EIF4B: variants seen among roughly 807,000 people sequenced by gnomAD.
EIF4B encodes the protein eukaryotic translation initiation factor 4B.
EIF4B carries 8 observed loss-of-function variants against 79.3 expected under a neutral mutation model. That is an observed-to-expected ratio of 0.10 (90% CI 0.06 to 0.18). EIF4B has a LOEUF of 0.18. EIF4B is among the 10% of genes least tolerant of loss of function. The pLI, the probability that EIF4B is intolerant of heterozygous loss-of-function variation, is 1.00. For missense variants in EIF4B, 515 were observed against 792.4 expected, an observed-to-expected ratio of 0.65 and a Z score of 4.20; for synonymous variants, 238 against 274.7, an observed-to-expected ratio of 0.87 and a Z score of 1.32.
intron 10 of EIF4B, among the ~76,000 whole-genome samples, chr12:53,036,828 G>C (rs966452842): frequency 6.6e-6 from 1 of 152,138 alleles, no homozygotes; most frequent in African/African-American, 2.4e-5. Context: ...AGCTGGGACT[G>C]CAGGCACATG....
intron 10 of EIF4B, 137 bp from the exon 11 acceptor site, chr12:53,037,271 TA>T: frequency 1.1e-6 from 1 of 896,900 alleles, no homozygotes; most frequent in Non-Finnish European, 1.7e-6. Flanking sequence ...GAAATACTTG[TA>T]AACCACTGGT....
rs1295488960 is a variant in EIF4B at position 53,042,168 on chromosome 12, G to C, written c.*1945G>C. On this transcript the variant is annotated 3_prime_UTR_variant, in exon 15 of 15. Transcript: ENST00000262056. ...GTAAAATCCCATCCTTTGGGTTGTG[G>C]GTTTTTTGTTTTCTCCAAATAAATC... 1.3e-5 allele frequency: 2 copies of C among 152,464 alleles called. No homozygotes were observed. Among genetic ancestry groups the C allele is most frequent in the African/African-American group, 4.8e-5 (2 of 41,386 alleles). The allele number at this position is 152,464 out of a possible 1,614,324, so 9.4% of individuals were successfully genotyped here. A position where few individuals can be genotyped will look rare whatever the true frequency, so the allele number is the denominator to read the frequency against.
At position 53,040,318 on chromosome 12, in the gene EIF4B, T is replaced by G; in HGVS notation, c.*95T>G. The G allele has an allele frequency of 7.6e-7, 1 of 1,310,316 alleles. No individual in the cohort carries two copies. The highest frequency in any genetic ancestry group is 2.1e-5 in the Admixed American group (1 of 47,048). The allele number at this position is 1,310,316 out of a possible 1,614,324, so 81.2% of individuals were successfully genotyped here. On this transcript the variant is annotated 3_prime_UTR_variant, in exon 15 of 15. Transcript: ENST00000262056. ...CTATCCAGACAAGACAAAATAAAAC[T>G]CACCATCTCCTGAAGACCTTTCTTA...
At chr12:53,027,291 G>A (rs1463113364) in intron 6 of EIF4B, among the ~76,000 whole-genome samples, 6 of 151,158 alleles carry the variant, frequency 4.0e-5, no homozygotes, top group South Asian at 2.1e-4. Flanking sequence ...GCGTCACCAC[G>A]CCCAGCTAAT....
Position 53,040,260 on chromosome 12 carries a change from C to T in EIF4B, c.*37C>T, listed in dbSNP as rs7961997. ...CTGTGCTTTTCTCCTAGTTTCTCTCCACCCTGGAACATTCGAGAGCAAATC... is the reference window on the plus strand; with the variant it reads ...CTGTGCTTTTCTCCTAGTTTCTCTCTACCCTGGAACATTCGAGAGCAAATC... On this transcript the variant is annotated 3_prime_UTR_variant, in exon 15 of 15. Transcript: ENST00000262056. 2,051 of 1,547,070 alleles carry T rather than the reference C, an allele frequency of 1.3e-3. 27 individuals carry two copies. The African/African-American group carries it at 0.024, about 18-fold the overall frequency.
intron 8 of EIF4B, among the ~76,000 whole-genome samples, chr12:53,030,741 A>G (rs1328565097): frequency 6.6e-6 from 1 of 152,058 alleles, no homozygotes; most frequent in African/African-American, 2.4e-5. Context: ...CGATTTCCTC[A>G]AGCAAGAAGC....
chr12:53,027,723 G>A (rs4919697), intron 6 of EIF4B, 59 bp from the exon 7 acceptor site: 1,401,879 of 1,564,064 alleles, frequency 0.9, 634,898 homozygotes, highest in Non-Finnish European at 0.93. Context: ...ATAGCTTACC[G>A]TGTTTCTATT....
chr12:53,027,749 A>C (rs1416502033), intron 6 of EIF4B, 33 bp from the exon 7 acceptor site: 1 of 1,596,726 alleles, frequency 6.3e-7, no homozygotes, highest in Admixed American at 1.7e-5. Context: ...TGTCAGAGAA[A>C]AGGGGATGGT....
At chr12:53,026,891 G>C (rs1943343402) in intron 6 of EIF4B, among the ~76,000 whole-genome samples, 1 of 152,070 alleles carries the variant, frequency 6.6e-6, no homozygotes, top group Admixed American at 6.6e-5. Flanking sequence ...TTAAAATTAT[G>C]ATCAGCAGTG....
intron 6 of EIF4B, among the ~76,000 whole-genome samples, chr12:53,023,561 A>G (rs1204132653): frequency 6.7e-6 from 1 of 149,604 alleles, no homozygotes; most frequent in African/African-American, 2.5e-5. Flanking sequence ...GCTTGTAGCA[A>G]ACAATTAAAA....
intron 2 of EIF4B, among the ~76,000 whole-genome samples, chr12:53,018,284 G>A (rs1004310211): frequency 9.9e-5 from 15 of 152,146 alleles, no homozygotes; most frequent in African/African-American, 2.9e-4. Context: ...CACCGAGCCA[G>A]GCCTGTTGTT....
intron 1 of EIF4B, chr12:53,013,532 A>AT (rs1241565343): frequency 6.6e-6 from 1 of 152,222 alleles, no homozygotes; most frequent in African/African-American, 2.4e-5. Flanking sequence ...CATGCCTGTA[A>AT]TCGCAGCATT....
At chr12:53,028,480 G>A (rs535530415) in intron 8 of EIF4B, among the ~76,000 whole-genome samples, 5 of 151,748 alleles carry the variant, frequency 3.3e-5, no homozygotes, top group Admixed American at 3.3e-4. Flanking sequence ...GTGGGAACCC[G>A]GGAGGCAGAG....
intron 1 of EIF4B, among the ~76,000 whole-genome samples, chr12:53,011,246 GACAGAGCA>G (rs1943059209): frequency 6.6e-6 from 1 of 152,178 alleles, no homozygotes; most frequent in Non-Finnish European, 1.5e-5. Context: ...CAGCCTGGGT[GACAGAGCA>G]AGACCCTGTA....
chr12:53,022,140 A>G, intron 5 of EIF4B: 1 of 654,262 alleles, frequency 1.5e-6, no homozygotes, highest in Non-Finnish European at 2.7e-6. Flanking sequence ...CCCAAAATGC[A>G]TGTCAAGATT....
At position 53,028,009 on chromosome 12, in the gene EIF4B, T is replaced by G; in HGVS notation, c.806-6T>G. ...GTGATGATTATAATTTGGGATATAT[T>G]TACAGGCTATGATTCCCGGATAGGC... On this transcript the variant is annotated splice_polypyrimidine_tract_variant and splice_region_variant and intron_variant, in intron 7 of 14. Coordinates refer to ENST00000262056, the MANE Select transcript of EIF4B (RefSeq NM_001417.7). 6.2e-7 allele frequency: 1 copy of G among 1,609,728 alleles called. No homozygotes were observed. The highest frequency in any genetic ancestry group is 1.3e-5 in the African/African-American group (1 of 74,898).
Position 53,039,294 on chromosome 12 carries a change from C to T in EIF4B, c.1633C>T (p.Arg545Cys), listed in dbSNP as rs765495559. The T allele has an allele frequency of 3.7e-6, 6 of 1,611,340 alleles. No individual in the cohort carries two copies. In the Middle Eastern group the frequency reaches 5.0e-4, roughly 133 times the overall value. ...AAAAGGCCAAACTGGGAACTCTAGC[C>T]GTGGTCCAGGCGACGGAGGGAACAG... ...APKGQTGNSSRGPGDGGNRDH... is the reference protein window; with the variant it reads ...APKGQTGNSSCGPGDGGNRDH... Residue 545 changes from arginine (R) to cysteine (C), a missense_variant, in exon 13 of 15, where the codon CGT becomes TGT. Around this residue, in one of 6 missense-constraint regions of EIF4B, gnomAD observed 146 missense variants for 228.0 expected, o/e 0.64. Coordinates refer to ENST00000262056, the MANE Select transcript of EIF4B (RefSeq NM_001417.7).
At chr12:53,019,132 C>T in intron 3 of EIF4B, 126 bp downstream of exon 3, 1 of 1,167,134 alleles carries the variant, frequency 8.6e-7, no homozygotes, top group Non-Finnish European at 1.2e-6. Context: ...GGAATGGTGG[C>T]TCACGCCTGT....
In EIF4B at chr12:53,027,852, C is replaced by T; in HGVS notation, c.738C>T (p.Arg246=). The T allele has an allele frequency of 6.2e-7, 1 of 1,614,192 alleles. No homozygotes were observed. The highest frequency in any genetic ancestry group is 8.5e-7 in the Non-Finnish European group (1 of 1,180,034). The stretch of plus-strand genomic sequence containing the variant: ...GGGATGGGTATCGGGATGGCCCACG[C>T]CGGGATATGGATCGATATGGTGGCC... The part of the protein sequence containing the change: ...GYRDGYRDGP[R]RDMDRYGGRD... The change falls in exon 7 of 15, where the codon CGC becomes CGT. Residue 246 remains arginine, a synonymous_variant. Transcript: ENST00000262056.
Sources: gnomAD v4.1 joint callset for allele counts (sites outside exome capture counted in the v4.1 genomes callset) on GRCh38, gnomAD v4.1.1 for gene constraint, gnomAD v4.1.1 regional missense constraint, MANE v1.5 for transcripts, NCBI Gene and HGNC (gene_info 2026-07-23, HGNC 2026-07-21) for gene names.